BICD1: variants seen among roughly 807,000 people sequenced by gnomAD.
BICD1 encodes protein bicaudal D homolog 1.
In BICD1, 35 loss-of-function variants were observed where a neutral mutation model predicts 92.5. That is an observed-to-expected ratio of 0.38 (90% CI 0.29 to 0.50). The LOEUF is 0.50. Among genes scored for constraint, BICD1 ranks in the 20% least tolerant of loss-of-function variants. BICD1 has a pLI of 0.93. For synonymous variants in BICD1, 429 were observed against 465.1 expected, an observed-to-expected ratio of 0.92 and a Z score of 1.00; for missense variants, 950 against 1,189.8, an observed-to-expected ratio of 0.80 and a Z score of 2.97.
intron 9 of BICD1, among the ~76,000 whole-genome samples, chr12:32,370,421 AT>A (rs1198661640): frequency 6.6e-6 from 1 of 152,168 alleles, no homozygotes; most frequent in Non-Finnish European, 1.5e-5. Flanking sequence ...AACAATATAA[AT>A]ATTCAAACTC....
At chr12:32,306,857 A>G (rs2136221064) in intron 4 of BICD1, among the ~76,000 whole-genome samples, 1 of 150,816 alleles carries the variant, frequency 6.6e-6, no homozygotes, top group Non-Finnish European at 1.5e-5. Flanking sequence ...GCTACTAAAA[A>G]TACAAAAAAT....
intron 3 of BICD1, among the ~76,000 whole-genome samples, chr12:32,300,894 A>G (rs2728700): frequency 0.49 from 74,632 of 151,112 alleles, 18,739 homozygotes; most frequent in Non-Finnish European, 0.54. Context: ...CTCATGATCC[A>G]CCCACCCCAG....
At position 32,342,124 on chromosome 12, in the gene BICD1, ATGTATATATATATGTG is replaced by A. The variant is rs1196895417; in HGVS notation, c.2764+3157_2764+3172del. Among the ~76,000 whole-genome samples the A allele has an allele frequency of 3.1e-4, 26 of 83,860 alleles. No homozygotes were observed. In the South Asian group the frequency reaches 5.4e-3, roughly 17 times the overall value. The allele number at this position is 83,860 out of a possible 152,430, so 55.0% of individuals were successfully genotyped here. On this transcript the variant is annotated intron_variant, in intron 8 of 9. Transcript: ENST00000652176. ...TTGATAAGCATTGTTTTACATATAT[ATGTATATATATATGTG>A]TGTATATATATGTGTGTATATATAT...
intron 3 of BICD1, among the ~76,000 whole-genome samples, chr12:32,300,636 T>C (rs993049628): frequency 1.3e-5 from 1 of 76,796 alleles, no homozygotes; most frequent in Admixed American, 1.1e-4. Context: ...ACAGTATTTT[T>C]TTTTTTTTTT....
chr12:32,318,803 GAGAT>G (rs1948573461), intron 4 of BICD1, among the ~76,000 whole-genome samples: 1 of 152,196 alleles, frequency 6.6e-6, no homozygotes, highest in African/African-American at 2.4e-5. Context: ...GCAGTGAGCT[GAGAT>G]CGTGCCATCG....
At chr12:32,321,155 G>A (rs887259851) in intron 4 of BICD1, among the ~76,000 whole-genome samples, 18 of 151,934 alleles carry the variant, frequency 1.2e-4, no homozygotes, top group East Asian at 1.9e-4. Context: ...GTGAAACCCC[G>A]TCTCTGTGAA....
chr12:32,282,139 A>T (rs761624187), intron 2 of BICD1, among the ~76,000 whole-genome samples: 1 of 151,220 alleles, frequency 6.6e-6, no homozygotes, highest in Non-Finnish European at 1.5e-5. Flanking sequence ...GGAGAAAGAA[A>T]TCCAGGCAGA....
At chr12:32,240,129 A>T (rs115517327) in intron 2 of BICD1, among the ~76,000 whole-genome samples, 22 of 152,304 alleles carry the variant, frequency 1.4e-4, no homozygotes, top group African/African-American at 4.8e-4. Flanking sequence ...TGTCAGTTAG[A>T]GTTTAATCTT....
In BICD1 at chr12:32,283,657, C is replaced by G. The variant is rs708227; in HGVS notation, c.427-10337C>G. ...AGGAAACGTTGATGAGGTGGAAGAG[C>G]GAGTGGTTTGATTGGAAGAAGTGCA... On this transcript the variant is annotated intron_variant, in intron 2 of 9. Coordinates refer to ENST00000652176, the MANE Select transcript of BICD1 (RefSeq NM_001714.4). Among the ~76,000 whole-genome samples, 710 of 152,026 alleles carry G rather than the reference C, an allele frequency of 4.7e-3. 5 individuals are homozygous for G. The highest frequency in any genetic ancestry group is 0.016 in the African/African-American group (681 of 41,432).
At chr12:32,243,972 G>A (rs1431229518) in intron 2 of BICD1, among the ~76,000 whole-genome samples, 1 of 151,952 alleles carries the variant, frequency 6.6e-6, no homozygotes, top group Non-Finnish European at 1.5e-5. Context: ...CCTGTAATAA[G>A]AATATTACAT....
chr12:32,328,218 C>T lies in BICD1; in HGVS notation c.1763C>T (p.Ala588Val), dbSNP rs1948837494. 1 of 1,614,018 alleles carries T rather than the reference C, an allele frequency of 6.2e-7. No individual in the cohort carries two copies. Among genetic ancestry groups the T allele is most frequent in the Admixed American group, 1.7e-5 (1 of 59,996 alleles). Residue 588 changes from alanine (A) to valine (V), a missense_variant, in exon 5 of 10, where the codon GCC becomes GTC. By Grantham distance (64) the Ala-to-Val change is moderately conservative. Coordinates refer to ENST00000652176, the MANE Select transcript of BICD1 (RefSeq NM_001714.4). This position sits in a 1 kb window ranked among gnomAD's most constrained non-coding sequence, Gnocchi z 4.4. ...CCAGTTGCAAAAGAAAGCACAGAGG[C>T]CAGCAAAGAACCAAGTCCAACTAAG... ...SEPVAKESTEASKEPSPTKTP... is the reference protein window; with the variant it reads ...SEPVAKESTEVSKEPSPTKTP...
intron 1 of BICD1, among the ~76,000 whole-genome samples, chr12:32,163,711 G>GATCT (rs1400110073): frequency 3.3e-5 from 5 of 152,158 alleles, no homozygotes; most frequent in Non-Finnish European, 7.4e-5. Context: ...TTGGAACATA[G>GATCT]ATTCTGGTGC....
chr12:32,332,900 G>GA, intron 5 of BICD1: 1 of 985,434 alleles, frequency 1.0e-6, no homozygotes, highest in Non-Finnish European at 1.2e-6. Context: ...AATGTGTGGA[G>GA]AAAGTGGTGA....
In BICD1 at chr12:32,339,447, A is replaced by G. The variant is rs1397071405; in HGVS notation, c.2764+468A>G. ...CTCCTCAATCATTATATTGAGAATA[A>G]AAGTAAAACCTTCTAAGATTTTGCT... On this transcript the variant is annotated intron_variant, in intron 8 of 9. Coordinates refer to ENST00000652176, the MANE Select transcript of BICD1 (RefSeq NM_001714.4). 7 of 985,626 alleles carry G rather than the reference A, an allele frequency of 7.1e-6. No homozygotes were observed. In the African/African-American group the frequency reaches 1.2e-4, roughly 17 times the overall value. 61.1% of individuals were successfully genotyped at this position (985,626 alleles called of 1,614,324 possible).
At chr12:32,254,798 C>A (rs2136113578) in intron 2 of BICD1, among the ~76,000 whole-genome samples, 1 of 152,308 alleles carries the variant, frequency 6.6e-6, no homozygotes, top group East Asian at 1.9e-4. Flanking sequence ...CAATATATAA[C>A]CTTGCTTAAA....
At chr12:32,280,476 A>G (rs1047759948) in intron 2 of BICD1, among the ~76,000 whole-genome samples, 1 of 152,236 alleles carries the variant, frequency 6.6e-6, no homozygotes, top group Non-Finnish European at 1.5e-5. Flanking sequence ...AATGGAAGAT[A>G]AGGGATATTT....
intron 1 of BICD1, among the ~76,000 whole-genome samples, chr12:32,110,499 A>G (rs1941644605): frequency 6.6e-6 from 1 of 152,126 alleles, no homozygotes; most frequent in Admixed American, 6.6e-5. Context: ...GTCCACTAGA[A>G]TACTTGAGTC....
At chr12:32,197,527 T>C (rs1944761866) in intron 1 of BICD1, among the ~76,000 whole-genome samples, 1 of 152,166 alleles carries the variant, frequency 6.6e-6, no homozygotes, top group Non-Finnish European at 1.5e-5. Context: ...ATTTTCTTAG[T>C]GATAAAGTGG....
At chr12:32,212,106 A>G (rs1417980195) in intron 1 of BICD1, among the ~76,000 whole-genome samples, 5 of 152,202 alleles carry the variant, frequency 3.3e-5, no homozygotes, top group Non-Finnish European at 7.3e-5. Context: ...GGACATCGAT[A>G]CTGGAATATT....
Sources: gnomAD v4.1 joint callset for allele counts (sites outside exome capture counted in the v4.1 genomes callset) on GRCh38, gnomAD v4.1.1 for gene constraint, Gnocchi (gnomAD v3.1) non-coding constraint, MANE v1.5 for transcripts, NCBI Gene and HGNC (gene_info 2026-07-23, HGNC 2026-07-21) for gene names.